ADAMTS16: variants seen among roughly 807,000 people sequenced by gnomAD.
ADAMTS16 encodes A disintegrin and metalloproteinase with thrombospondin motifs 16.
ADAMTS16 carries 94 observed loss-of-function variants against 145.8 expected under a neutral mutation model. That is an observed-to-expected ratio of 0.64 (90% CI 0.55 to 0.77). The LOEUF (loss-of-function observed/expected upper bound fraction) is 0.77. ADAMTS16 is among the 30% of genes least tolerant of loss of function. The probability of loss-of-function intolerance (pLI) is 0.00; values close to 1 mark genes in which losing one functional copy is unlikely to be tolerated. For missense variants in ADAMTS16, 1,585 were observed against 1,591.5 expected (o/e 1.00, Z 0.07); for synonymous variants, 659 against 604.3 (o/e 1.09, Z -1.33).
intron 12 of ADAMTS16, among the ~76,000 whole-genome samples, chr5:5,233,225 T>C (rs774721360): frequency 3.9e-4 from 60 of 152,176 alleles, no homozygotes; most frequent in Non-Finnish European, 7.1e-4. Context: ...TTCCATCAAA[T>C]ATATTTACCT....
At chr5:5,210,956 T>G (rs73735747) in intron 10 of ADAMTS16, among the ~76,000 whole-genome samples, 2,644 of 152,342 alleles carry the variant, frequency 0.017, 75 homozygotes, top group African/African-American at 0.058. Flanking sequence ...TCGTAATCTA[T>G]TGTTCATTTT....
chr5:5,246,797 A>G (rs549558307), intron 17 of ADAMTS16, among the ~76,000 whole-genome samples: 1 of 152,306 alleles, frequency 6.6e-6, no homozygotes, highest in East Asian at 1.9e-4. Flanking sequence ...GCGAGCCGCT[A>G]TGCTGAGTTC....
At position 5,317,020 on chromosome 5, in the gene ADAMTS16, A is replaced by C. The variant is rs768378953; in HGVS notation, c.3412-1114A>C. ...AGATTAATTTTGGCCAGCCACTCAC[A>C]GTTGTAGACAGAGAGACCACCTCAA... On this transcript the variant is annotated intron_variant, in intron 21 of 22. Coordinates refer to ENST00000274181, the MANE Select transcript of ADAMTS16 (RefSeq NM_139056.4). The surrounding 1 kb of genome is among the most constrained non-coding windows in gnomAD (Gnocchi z 4.5). 1.2e-4 allele frequency among the ~76,000 whole-genome samples: 19 copies of C among 152,240 alleles called. No homozygotes were observed. The highest frequency in any genetic ancestry group is 4.6e-4 in the African/African-American group (19 of 41,544).
chr5:5,255,490 T>C (rs1247019396), intron 17 of ADAMTS16, among the ~76,000 whole-genome samples: 2 of 152,258 alleles, frequency 1.3e-5, no homozygotes, highest in Non-Finnish European at 2.9e-5. Context: ...TGATTACAGA[T>C]AATCCAGCAC....
intron 17 of ADAMTS16, among the ~76,000 whole-genome samples, chr5:5,257,006 C>T (rs1737806227): frequency 6.6e-6 from 1 of 152,132 alleles, no homozygotes; most frequent in African/African-American, 2.4e-5. Context: ...GTTATCATAA[C>T]TATTACACTT....
Position 5,164,822 on chromosome 5 carries a change from G to A in ADAMTS16, c.502-17222G>A, listed in dbSNP as rs544109734. Among the ~76,000 whole-genome samples, 380 of 152,116 alleles carry A rather than the reference G, an allele frequency of 2.5e-3. 2 individuals are homozygous for A. The highest frequency in any genetic ancestry group is 3.8e-3 in the Non-Finnish European group (257 of 67,980). On this transcript the variant is annotated intron_variant, in intron 3 of 22. Transcript: ENST00000274181. ...CTCCCGAGTAGCTGGGACTACAGGC[G>A]CCCGCCACCACGCCCGGCTAATTTT...
chr5:5,206,304 T>C (rs1736109935), intron 9 of ADAMTS16, among the ~76,000 whole-genome samples: 1 of 143,810 alleles, frequency 7.0e-6, no homozygotes, highest in Admixed American at 6.9e-5. Flanking sequence ...CGGGCGCCTG[T>C]AGTCCCAGCT....
At chr5:5,183,684 T>C (rs1735409451) in intron 4 of ADAMTS16, among the ~76,000 whole-genome samples, 1 of 152,160 alleles carries the variant, frequency 6.6e-6, no homozygotes, top group South Asian at 2.1e-4. Context: ...CTCAGGCTGG[T>C]GGCACAGCTA....
intron 3 of ADAMTS16, among the ~76,000 whole-genome samples, chr5:5,148,393 G>A (rs1579271449): frequency 6.6e-6 from 1 of 152,198 alleles, no homozygotes; most frequent in South Asian, 2.1e-4. Flanking sequence ...AGCAGGAAAT[G>A]CTCTATATTC....
intron 10 of ADAMTS16, among the ~76,000 whole-genome samples, chr5:5,211,674 AT>A: frequency 6.6e-6 from 1 of 152,258 alleles, no homozygotes; most frequent in South Asian, 2.1e-4. Flanking sequence ...TAATATAACC[AT>A]TTAATATATT....
At chr5:5,180,274 A>G (rs1342137291) in intron 3 of ADAMTS16, among the ~76,000 whole-genome samples, 3 of 152,194 alleles carry the variant, frequency 2.0e-5, no homozygotes, top group Non-Finnish European at 4.4e-5. Context: ...AATCAGCATA[A>G]TAGTAATACT....
At chr5:5,257,091 C>A (rs1165971381) in intron 17 of ADAMTS16, among the ~76,000 whole-genome samples, 1 of 152,130 alleles carries the variant, frequency 6.6e-6, no homozygotes, top group Non-Finnish European at 1.5e-5. Context: ...AATAGTCTCT[C>A]AGCCCTAGTT....
chr5:5,175,457 T>C (rs1384311858), intron 3 of ADAMTS16, among the ~76,000 whole-genome samples: 1 of 152,176 alleles, frequency 6.6e-6, no homozygotes. Context: ...TGGCAAGCTG[T>C]GCTTTCTGAA....
At chr5:5,178,687 A>G (rs751006679) in intron 3 of ADAMTS16, among the ~76,000 whole-genome samples, 3 of 152,192 alleles carry the variant, frequency 2.0e-5, no homozygotes, top group Non-Finnish European at 2.9e-5. Context: ...TTGGTTAATG[A>G]AAACTCAAAA....
At chr5:5,156,296 G>A (rs1164007703) in intron 3 of ADAMTS16, among the ~76,000 whole-genome samples, 2 of 147,424 alleles carry the variant, frequency 1.4e-5, no homozygotes, top group Non-Finnish European at 3.0e-5. Flanking sequence ...ACTTTTTCTT[G>A]CTTTATCCCC....
chr5:5,187,667 G>C, intron 5 of ADAMTS16, 58 bp from the exon 6 acceptor site: 1 of 1,186,108 alleles, frequency 8.4e-7, no homozygotes, highest in Non-Finnish European at 1.3e-6. Flanking sequence ...AGGCCCGCTA[G>C]TAAGTAGGGG....
intron 3 of ADAMTS16, among the ~76,000 whole-genome samples, chr5:5,175,351 A>G (rs1037085760): frequency 1.7e-4 from 26 of 152,156 alleles, no homozygotes; most frequent in African/African-American, 6.0e-4. Flanking sequence ...CTGGTGCCCT[A>G]TCTTACTGGG....
intron 21 of ADAMTS16, among the ~76,000 whole-genome samples, chr5:5,314,983 A>T (rs974239512): frequency 6.6e-6 from 1 of 152,238 alleles, no homozygotes; most frequent in Non-Finnish European, 1.5e-5. Flanking sequence ...GGGCGATTGT[A>T]TTAGCCCATT....
Position 5,243,684 on chromosome 5 carries a change from A to T in ADAMTS16, c.2662+1493A>T, listed in dbSNP as rs546711389. Among the ~76,000 whole-genome samples the T allele has an allele frequency of 2.0e-4, 30 of 152,312 alleles. No homozygotes were observed. In the South Asian group the frequency reaches 6.0e-3, roughly 30 times the overall value. The stretch of plus-strand genomic sequence containing the variant: ...TTTGAACTCTTTCTTGTACATTTTC[A>T]TTTGGTAAAAAATGTATAATGAATT... On this transcript the variant is annotated intron_variant, in intron 17 of 22. Coordinates refer to ENST00000274181, the MANE Select transcript of ADAMTS16 (RefSeq NM_139056.4).
Sources: allele counts gnomAD v4.1 joint callset (sites outside exome capture counted in the v4.1 genomes callset), GRCh38; gene constraint gnomAD v4.1.1; non-coding constraint Gnocchi (gnomAD v3.1); transcripts MANE v1.5; gene names NCBI Gene and HGNC (gene_info 2026-07-23, HGNC 2026-07-21).